PRELID2: variants seen among roughly 807,000 people sequenced by gnomAD.
The protein encoded by PRELID2 is PRELI domain containing 2, also known as PRELI domain-containing protein 2.
A neutral mutation model predicts 28.4 loss-of-function variants in PRELID2; 25 were observed. That is an observed-to-expected ratio of 0.88 (90% CI 0.64 to 1.23). The LOEUF (loss-of-function observed/expected upper bound fraction) is 1.23, where lower values mean the gene tolerates loss of function less well. Ranked by LOEUF, PRELID2 falls within the 50% of genes most tolerant of loss-of-function variation. PRELID2 has a pLI of 0.00. For missense variants in PRELID2, 201 were observed against 214.4 expected, an observed-to-expected ratio of 0.94 and a Z score of 0.39; for synonymous variants, 76 against 71.6, an observed-to-expected ratio of 1.06 and a Z score of -0.31.
intron 1 of PRELID2, among the ~76,000 whole-genome samples, chr5:145,687,899 GT>G (rs917655401): frequency 5.9e-5 from 9 of 152,148 alleles, no homozygotes; most frequent in African/African-American, 2.2e-4. Context: ...TCTTATCAAG[GT>G]TTCTATCTCC....
At chr5:145,354,440 G>C in the PRELID2 span, among the ~76,000 whole-genome samples, 1 of 152,110 alleles carries the variant, frequency 6.6e-6, no homozygotes, top group African/African-American at 2.4e-5. Context: ...GAAAAGAAGA[G>C]GATTCCTGGT....
rs62392346 is a variant in PRELID2 at position 145,798,238 on chromosome 5, A to G, written c.369-1691T>C. Among the ~76,000 whole-genome samples the G allele has an allele frequency of 4.4e-3, 677 of 152,284 alleles. 3 individuals carry two copies. Among genetic ancestry groups the G allele is most frequent in the Non-Finnish European group, 7.1e-3 (485 of 68,010 alleles). ...AGAGAGCCTAAGGGACTTATAAGAC[A>G]TCATCAAACAGATCATTATCCACAT... On this transcript the variant is annotated intron_variant, in intron 4 of 6. Transcript: ENST00000683046.
chr5:145,457,111 G>C, the PRELID2 span, among the ~76,000 whole-genome samples: 2 of 152,078 alleles, frequency 1.3e-5, no homozygotes, highest in Non-Finnish European at 2.9e-5. Context: ...GTAGTGGGGT[G>C]CTGAGGGAAG....
chr5:145,710,534 A>G (rs932888213), intron 1 of PRELID2, among the ~76,000 whole-genome samples: 1 of 152,230 alleles, frequency 6.6e-6, no homozygotes, highest in Non-Finnish European at 1.5e-5. Flanking sequence ...GTTTAGCTTC[A>G]TGTCAGAGGA....
the PRELID2 span, among the ~76,000 whole-genome samples, chr5:145,431,998 C>A: frequency 6.6e-6 from 1 of 151,926 alleles, no homozygotes; most frequent in Non-Finnish European, 1.5e-5. Context: ...AAATAGAGAG[C>A]AATCACATGT....
chr5:145,553,207 G>A (rs1209370604), intron 1 of PRELID2, among the ~76,000 whole-genome samples: 2 of 145,768 alleles, frequency 1.4e-5, no homozygotes, highest in African/African-American at 2.6e-5. Context: ...AAAAAAGGGA[G>A]CTGTTAATTG....
chr5:145,817,198 A>ATATATATATATAT (rs1754372530), intron 4 of PRELID2, among the ~76,000 whole-genome samples: 3 of 70,094 alleles, frequency 4.3e-5, no homozygotes, highest in Non-Finnish European at 9.8e-5. Context: ...TTCAAAAAAA[A>ATATATATATATAT]ATAAATAAAT....
intron 1 of PRELID2, among the ~76,000 whole-genome samples, chr5:145,559,779 T>C (rs148359361): frequency 2.3e-3 from 356 of 151,824 alleles, no homozygotes; most frequent in African/African-American, 8.0e-3. Flanking sequence ...TGTGGAACAT[T>C]TCTCAAGGGG....
At chr5:145,708,418 T>A (rs1404338062) in intron 1 of PRELID2, among the ~76,000 whole-genome samples, 1 of 152,112 alleles carries the variant, frequency 6.6e-6, no homozygotes, top group Non-Finnish European at 1.5e-5. Flanking sequence ...GTTTATTGAG[T>A]TAGATTATTT....
the PRELID2 span, among the ~76,000 whole-genome samples, chr5:145,273,604 A>G: frequency 2.4e-4 from 36 of 152,268 alleles, no homozygotes; most frequent in African/African-American, 8.7e-4. Flanking sequence ...CTCTGGATAC[A>G]TGTGTATGAC....
At chr5:145,265,553 A>G in the PRELID2 span, among the ~76,000 whole-genome samples, 1 of 152,194 alleles carries the variant, frequency 6.6e-6, no homozygotes, top group East Asian at 1.9e-4. Context: ...ACATCACATT[A>G]CCTGGATTCA....
At chr5:145,276,806 T>C in the PRELID2 span, among the ~76,000 whole-genome samples, 4 of 152,180 alleles carry the variant, frequency 2.6e-5, no homozygotes, top group Non-Finnish European at 5.9e-5. Context: ...AAAAAGTTCA[T>C]ATGGAGTTGG....
At chr5:145,604,017 A>G (rs1269335478) in intron 1 of PRELID2, among the ~76,000 whole-genome samples, 3 of 152,140 alleles carry the variant, frequency 2.0e-5, no homozygotes, top group Non-Finnish European at 2.9e-5. Context: ...CAGGTTTCAG[A>G]TATCAGTAAT....
intron 1 of PRELID2, among the ~76,000 whole-genome samples, chr5:145,582,626 C>A (rs938060891): frequency 6.6e-6 from 1 of 152,026 alleles, no homozygotes; most frequent in Non-Finnish European, 1.5e-5. Flanking sequence ...CACCACTGAT[C>A]CCACAGAAAT....
the PRELID2 span, among the ~76,000 whole-genome samples, chr5:145,292,613 A>G: frequency 3.3e-5 from 5 of 152,212 alleles, no homozygotes; most frequent in African/African-American, 9.6e-5. Flanking sequence ...AGGGTGGACC[A>G]GGGGCTGAAT....
chr5:145,787,003 T>C (rs141535224), intron 5 of PRELID2, among the ~76,000 whole-genome samples: 2 of 152,354 alleles, frequency 1.3e-5, no homozygotes, highest in African/African-American at 4.8e-5. Flanking sequence ...ACTGTTGAAT[T>C]CAATCGTTCT....
intron 1 of PRELID2, among the ~76,000 whole-genome samples, chr5:145,651,030 G>A (rs1754287489): frequency 6.6e-6 from 1 of 152,140 alleles, no homozygotes; most frequent in Admixed American, 6.5e-5. Context: ...GTGACAGATG[G>A]CACCTGGAAA....
At chr5:145,413,824 A>G in the PRELID2 span, among the ~76,000 whole-genome samples, 1 of 151,950 alleles carries the variant, frequency 6.6e-6, no homozygotes, top group African/African-American at 2.4e-5. Context: ...CTTCTGTTTT[A>G]TATAACCTAA....
chr5:145,483,816 T>C (rs1241834928), intron 1 of PRELID2, among the ~76,000 whole-genome samples: 1 of 152,232 alleles, frequency 6.6e-6, no homozygotes, highest in Non-Finnish European at 1.5e-5. Context: ...GCCGAAGTGC[T>C]TAACATATAA....
Sources: gnomAD v4.1 joint callset for allele counts (sites outside exome capture counted in the v4.1 genomes callset) on GRCh38, gnomAD v4.1.1 for gene constraint, MANE v1.5 for transcripts, NCBI Gene and HGNC (gene_info 2026-07-23, HGNC 2026-07-21) for gene names.